PRIMA1: variants seen among roughly 807,000 people sequenced by gnomAD.
PRIMA1 encodes proline rich membrane anchor 1.
A neutral mutation model predicts 17.5 loss-of-function variants in PRIMA1; 7 were observed. The ratio of observed to expected loss-of-function variants is 0.40; its 90% CI spans 0.23 to 0.75. The LOEUF (loss-of-function observed/expected upper bound fraction) is 0.75, where lower values mean the gene tolerates loss of function less well. PRIMA1 is among the 30% of genes least tolerant of loss of function. PRIMA1 has a pLI of 0.37. For missense variants in PRIMA1, 200 were observed against 201.8 expected, an observed-to-expected ratio of 0.99 and a Z score of 0.05; for synonymous variants, 97 against 77.9, an observed-to-expected ratio of 1.25 and a Z score of -1.29.
At chr14:93,754,674 A>G (rs1218662721) in intron 3 of PRIMA1, among the ~76,000 whole-genome samples, 1 of 152,202 alleles carries the variant, frequency 6.6e-6, no homozygotes, top group African/African-American at 2.4e-5. Flanking sequence ...CTTCCCCTTT[A>G]ATTCCTTACA....
chr14:93,750,940 C>T (rs1369232864), intron 3 of PRIMA1, among the ~76,000 whole-genome samples: 1 of 152,200 alleles, frequency 6.6e-6, no homozygotes, highest in Admixed American at 6.5e-5. Context: ...AGCAGAAAGA[C>T]AGGCACAAAT....
At position 93,757,038 on chromosome 14, in the gene PRIMA1, T is replaced by C. The variant is rs371312269; in HGVS notation, c.230-19668A>G. ...AGAAGAAAACCCAACCTTTTTATCA[T>C]GGCCTTTGCGAAATATTTCTCCCAT... On this transcript the variant is annotated intron_variant, in intron 3 of 4. Coordinates refer to ENST00000393140, the MANE Select transcript of PRIMA1 (RefSeq NM_178013.4). Among the ~76,000 whole-genome samples the C allele has an allele frequency of 2.1e-4, 32 of 152,342 alleles. No individual in the cohort carries two copies. In the South Asian group the frequency reaches 6.4e-3, roughly 31 times the overall value.
At chr14:93,761,362 C>CA (rs1256957646) in intron 3 of PRIMA1, among the ~76,000 whole-genome samples, 1 of 150,156 alleles carries the variant, frequency 6.7e-6, no homozygotes, top group East Asian at 2.0e-4. Flanking sequence ...AAAACAAAAA[C>CA]AAAAAACCCA....
At chr14:93,759,771 C>T (rs567770395) in intron 3 of PRIMA1, among the ~76,000 whole-genome samples, 1 of 152,336 alleles carries the variant, frequency 6.6e-6, no homozygotes, top group Admixed American at 6.5e-5. Context: ...CCCGGGAGCC[C>T]CACAGACCAG....
At chr14:93,736,209 C>T (rs1230904462) in intron 4 of PRIMA1, among the ~76,000 whole-genome samples, 1 of 152,176 alleles carries the variant, frequency 6.6e-6, no homozygotes, top group Non-Finnish European at 1.5e-5. Flanking sequence ...CCCTGAAACA[C>T]GGTGTGTAGT....
chr14:93,766,760 T>C (rs565724892), intron 3 of PRIMA1, among the ~76,000 whole-genome samples: 1 of 152,264 alleles, frequency 6.6e-6, no homozygotes, highest in Admixed American at 6.5e-5. Flanking sequence ...CACTTTAATA[T>C]TTTCCCATGA....
rs1376995972 is a variant in PRIMA1 at position 93,787,736 on chromosome 14, G to A, written c.-18C>T. 5 of 1,541,150 alleles carry A rather than the reference G, an allele frequency of 3.2e-6. No individual in the cohort carries two copies. The highest frequency in any genetic ancestry group is 2.4e-5 in the East Asian group (1 of 40,890). On this transcript the variant is annotated 5_prime_UTR_variant, in exon 2 of 5. Coordinates refer to ENST00000393140, the MANE Select transcript of PRIMA1 (RefSeq NM_178013.4). ...AGGAGCATCTCGGCCAGCGGCGCCC[G>A]CTCCTGGGGCGAACTGTCAGGAGAG...
At chr14:93,727,199 G>A (rs1301085187) in intron 4 of PRIMA1, among the ~76,000 whole-genome samples, 1 of 152,346 alleles carries the variant, frequency 6.6e-6, no homozygotes, top group African/African-American at 2.4e-5. Context: ...CCTCCGCTGA[G>A]CTGCGGCGGA....
chr14:93,737,716 C>T (rs532955603), intron 3 of PRIMA1, among the ~76,000 whole-genome samples: 197 of 152,328 alleles, frequency 1.3e-3, no homozygotes, highest in African/African-American at 4.5e-3. Flanking sequence ...GCCATCCCTG[C>T]CCCCACCCTG....
chr14:93,732,061 G>A (rs891240900), intron 4 of PRIMA1, among the ~76,000 whole-genome samples: 7 of 152,206 alleles, frequency 4.6e-5, no homozygotes, highest in Non-Finnish European at 2.9e-5. Context: ...CTGAGACCAC[G>A]TATTGGTCTT....
intron 4 of PRIMA1, among the ~76,000 whole-genome samples, chr14:93,730,978 C>A (rs908276612): frequency 6.6e-6 from 1 of 152,140 alleles, no homozygotes; most frequent in Non-Finnish European, 1.5e-5. Context: ...AACTGTGCAA[C>A]AGGCTCAGAG....
chr14:93,741,881 CAG>C (rs999431691), intron 3 of PRIMA1, among the ~76,000 whole-genome samples: 1 of 152,126 alleles, frequency 6.6e-6, no homozygotes, highest in Non-Finnish European at 1.5e-5. Context: ...GTTGACATCT[CAG>C]GGGTCGCAAC....
chr14:93,770,492 A>G (rs188598314), intron 3 of PRIMA1, among the ~76,000 whole-genome samples: 70 of 152,262 alleles, frequency 4.6e-4, no homozygotes, highest in African/African-American at 1.6e-3. Context: ...GACCTTGCAC[A>G]TGCTGTTTCC....
chr14:93,761,568 G>C (rs879736537), intron 3 of PRIMA1, among the ~76,000 whole-genome samples: 1 of 152,060 alleles, frequency 6.6e-6, no homozygotes, highest in African/African-American at 2.4e-5. Flanking sequence ...GCTATTCCTC[G>C]TCTTCAAGGG....
chr14:93,738,081 T>G, intron 3 of PRIMA1, among the ~76,000 whole-genome samples: 1 of 151,884 alleles, frequency 6.6e-6, no homozygotes, highest in Admixed American at 6.6e-5. Context: ...GCCCGTGGGG[T>G]GGGTATTTGC....
chr14:93,733,901 G>C (rs2076131842), intron 4 of PRIMA1, among the ~76,000 whole-genome samples: 1 of 152,188 alleles, frequency 6.6e-6, no homozygotes, highest in African/African-American at 2.4e-5. Flanking sequence ...AGCGCCTGGG[G>C]GGGCAGTGGG....
intron 3 of PRIMA1, among the ~76,000 whole-genome samples, chr14:93,746,062 G>A (rs2076215399): frequency 6.6e-6 from 1 of 152,148 alleles, no homozygotes; most frequent in Non-Finnish European, 1.5e-5. Flanking sequence ...AGAGGGCCTA[G>A]GCTTTGGGAG....
chr14:93,774,392 G>A (rs536485745), intron 3 of PRIMA1, among the ~76,000 whole-genome samples: 7 of 152,256 alleles, frequency 4.6e-5, no homozygotes, highest in East Asian at 1.9e-4. Context: ...TGTGAAGGAC[G>A]CCCTGCAAAC....
At chr14:93,736,294 G>C (rs2076149680) in intron 4 of PRIMA1, among the ~76,000 whole-genome samples, 1 of 152,094 alleles carries the variant, frequency 6.6e-6, no homozygotes. Flanking sequence ...TGCCACCCTG[G>C]GCAGCTCTCC....
Sources: gnomAD v4.1 joint callset for allele counts (sites outside exome capture counted in the v4.1 genomes callset) on GRCh38, gnomAD v4.1.1 for gene constraint, MANE v1.5 for transcripts, NCBI Gene and HGNC (gene_info 2026-07-23, HGNC 2026-07-21) for gene names.